Variants in ADAMTS12 observed in about 807,000 individuals in gnomAD.
The protein encoded by ADAMTS12 is ADAM metallopeptidase with thrombospondin type 1 motif 12.
A neutral mutation model predicts 167.8 loss-of-function variants in ADAMTS12; 118 were observed. The observed-to-expected ratio is 0.70, with a 90% confidence interval of 0.61 to 0.82. The LOEUF (loss-of-function observed/expected upper bound fraction) is 0.82. ADAMTS12 is among the 40% of genes least tolerant of loss of function. ADAMTS12 has a pLI of 0.00. For synonymous variants in ADAMTS12, 704 were observed against 716.9 expected, an observed-to-expected ratio of 0.98 and a Z score of 0.29; for missense variants, 1,916 against 1,998.8, an observed-to-expected ratio of 0.96 and a Z score of 0.79.
At chr5:33,869,182 C>A (rs1479719845) in intron 2 of ADAMTS12, among the ~76,000 whole-genome samples, 1 of 152,096 alleles carries the variant, frequency 6.6e-6, no homozygotes, top group East Asian at 1.9e-4. Context: ...GGACACTGCT[C>A]CCTGTGTCCC....
At chr5:33,709,469 T>C (rs1237841984) in intron 3 of ADAMTS12, among the ~76,000 whole-genome samples, 1 of 152,162 alleles carries the variant, frequency 6.6e-6, no homozygotes, top group Non-Finnish European at 1.5e-5. Context: ...TGCCCATCAA[T>C]GATAGACTGG....
At position 33,624,176 on chromosome 5, in the gene ADAMTS12, A is replaced by T. The variant is rs187845441; in HGVS notation, c.2143+55T>A. 1.3e-4 allele frequency: 211 copies of T among 1,608,624 alleles called. No individual in the cohort carries two copies. The African/African-American group carries it at 2.5e-3, about 19-fold the overall frequency. ...AAAACTAGGAACCAATCAACCATTTATCTTGCCCCCCACCTTTGGTCCCCT... is the reference window on the plus strand; with the variant it reads ...AAAACTAGGAACCAATCAACCATTTTTCTTGCCCCCCACCTTTGGTCCCCT... On this transcript the variant is annotated intron_variant, in intron 14 of 23. Transcript: ENST00000504830.
chr5:33,570,345 A>T (rs1746259280), intron 19 of ADAMTS12, among the ~76,000 whole-genome samples: 1 of 152,236 alleles, frequency 6.6e-6, no homozygotes, highest in Non-Finnish European at 1.5e-5. Context: ...GGAGCCAGAG[A>T]GAAAGGTCGG....
chr5:33,777,941 TA>T (rs1745975028), intron 2 of ADAMTS12, among the ~76,000 whole-genome samples: 1 of 151,752 alleles, frequency 6.6e-6, no homozygotes. Context: ...GAAACAAAAA[TA>T]AAATAATTAG....
chr5:33,867,164 G>A (rs1749854422), intron 2 of ADAMTS12, among the ~76,000 whole-genome samples: 1 of 152,116 alleles, frequency 6.6e-6, no homozygotes, highest in Non-Finnish European at 1.5e-5. Flanking sequence ...GCATACGTGT[G>A]TTTATTGCAG....
In ADAMTS12 at chr5:33,582,479, T is replaced by C. The variant is rs74561144; in HGVS notation, c.2866-5319A>G. On this transcript the variant is annotated intron_variant, in intron 18 of 23. Transcript: ENST00000504830. The stretch of plus-strand genomic sequence containing the variant: ...GCAGGGACTTCACATGAGTCTAGCT[T>C]TGCTTCCCACTTAGCAATAGACATA... Among the ~76,000 whole-genome samples, 782 of 152,306 alleles carry C rather than the reference T, an allele frequency of 5.1e-3. 5 individuals carry two copies. The highest frequency in any genetic ancestry group is 7.7e-3 in the Non-Finnish European group (522 of 68,024).
intron 3 of ADAMTS12, among the ~76,000 whole-genome samples, chr5:33,689,129 A>G (rs1037408731): frequency 6.6e-6 from 1 of 152,230 alleles, no homozygotes; most frequent in Admixed American, 6.5e-5. Flanking sequence ...TCCAGTGCCT[A>G]TCAAGAGCCC....
intron 19 of ADAMTS12, among the ~76,000 whole-genome samples, chr5:33,563,938 A>T (rs2111901870): frequency 6.6e-6 from 1 of 152,358 alleles, no homozygotes; most frequent in Non-Finnish European, 1.5e-5. Context: ...GAGTGAGGAC[A>T]TACAGCTGGT....
chr5:33,890,780 A>G (rs1256470106), intron 1 of ADAMTS12, among the ~76,000 whole-genome samples: 3 of 152,106 alleles, frequency 2.0e-5, no homozygotes, highest in South Asian at 4.2e-4. Flanking sequence ...TAAGAGTCAG[A>G]CTACCTGAGC....
In ADAMTS12 at chr5:33,591,104, G is replaced by GTGTGTGTGTC. The variant is rs149905578; in HGVS notation, c.2655-2296_2655-2295insGACACACACA. On this transcript the variant is annotated intron_variant, in intron 17 of 23. Coordinates refer to ENST00000504830, the MANE Select transcript of ADAMTS12 (RefSeq NM_030955.4). ...TAAGTGTGTGTGTGTGTGTGTGTGT[G>GTGTGTGTGTC]TATGTGTGTGCCTATGTTTGAGATC... Among the ~76,000 whole-genome samples, 489 of 148,848 alleles carry GTGTGTGTGTC rather than the reference G, an allele frequency of 3.3e-3. 2 individuals are homozygous for GTGTGTGTGTC. The highest frequency in any genetic ancestry group is 7.0e-3 in the Middle Eastern group (2 of 284).
intron 22 of ADAMTS12, among the ~76,000 whole-genome samples, chr5:33,535,435 T>C (rs1744347450): frequency 1.3e-5 from 2 of 152,132 alleles, no homozygotes; most frequent in South Asian, 4.1e-4. Context: ...AGAGATTCCA[T>C]CTAAGGCTGA....
rs76261075 is a variant in ADAMTS12, at chr5:33,787,774, T to C, written c.490-36226A>G. Among the ~76,000 whole-genome samples the C allele has an allele frequency of 4.0e-3, 604 of 152,350 alleles. 1 individual carries two copies. The highest frequency in any genetic ancestry group is 0.02 in the Middle Eastern group (6 of 294). On this transcript the variant is annotated intron_variant, in intron 2 of 23. Transcript: ENST00000504830. ...TGGGGGTCTCTCAGACATGACTGGT[T>C]ACAGAACAGTTTCCCATACAGAAAA...
At chr5:33,534,728 A>G (rs958054265) in intron 23 of ADAMTS12, 105 bp downstream of exon 23, 6 of 1,440,108 alleles carry the variant, frequency 4.2e-6, no homozygotes, top group Non-Finnish European at 5.6e-6. Flanking sequence ...TAACATTAAG[A>G]TTTTCTATTC....
chr5:33,552,269 A>C (rs1017561795), intron 20 of ADAMTS12, among the ~76,000 whole-genome samples: 1 of 152,226 alleles, frequency 6.6e-6, no homozygotes, highest in South Asian at 2.1e-4. Flanking sequence ...TAGCACAACT[A>C]ACAAACACAG....
chr5:33,556,241 A>G (rs256640), intron 20 of ADAMTS12, among the ~76,000 whole-genome samples: 101,321 of 151,976 alleles, frequency 0.67, 34,835 homozygotes, highest in African/African-American at 0.84. Flanking sequence ...ATACAGATTA[A>G]TGACAGAGTA....
At chr5:33,593,879 C>T (rs987112362) in intron 17 of ADAMTS12, among the ~76,000 whole-genome samples, 3 of 152,216 alleles carry the variant, frequency 2.0e-5, no homozygotes, top group African/African-American at 7.2e-5. Flanking sequence ...TCTCTGCAGC[C>T]ATTTCCCCTA....
intron 5 of ADAMTS12, among the ~76,000 whole-genome samples, chr5:33,664,545 T>C (rs888099765): frequency 6.6e-6 from 1 of 152,108 alleles, no homozygotes; most frequent in African/African-American, 2.4e-5. Flanking sequence ...CAGATACACA[T>C]ATAAAAATTC....
At chr5:33,712,503 G>A (rs998183900) in intron 3 of ADAMTS12, among the ~76,000 whole-genome samples, 1 of 152,132 alleles carries the variant, frequency 6.6e-6, no homozygotes, top group African/African-American at 2.4e-5. Context: ...ATCTCTTGCA[G>A]GGGTGGATAC....
In ADAMTS12 at chr5:33,891,836, G is replaced by A. The variant is rs1165684247; in HGVS notation, c.21C>T (p.Ser7=). 6.2e-7 allele frequency: 1 copy of A among 1,614,072 alleles called. No individual in the cohort carries two copies. Among genetic ancestry groups the A allele is most frequent in the African/African-American group, 1.3e-5 (1 of 74,916 alleles). The change falls in exon 1 of 24, where the codon AGC becomes AGT. Residue 7 remains serine (S), a synonymous_variant. Coordinates refer to ENST00000504830, the MANE Select transcript of ADAMTS12 (RefSeq NM_030955.4). MPCAQR[S]WLANLSVVAQ... is the part of the protein sequence containing the mutation. The stretch of plus-strand genomic sequence containing the variant: ...CCACCACGGAAAGGTTTGCAAGCCA[G>A]CTCCTCTGGGCACATGGCATGATTC...
Sources: allele counts gnomAD v4.1 joint callset (sites outside exome capture counted in the v4.1 genomes callset), GRCh38; gene constraint gnomAD v4.1.1; transcripts MANE v1.5; gene names NCBI Gene and HGNC (gene_info 2026-07-23, HGNC 2026-07-21).